Variants in MYO1E observed in about 807,000 individuals in gnomAD.
MYO1E encodes the protein unconventional myosin-Ie.
MYO1E carries 68 observed loss-of-function variants against 151.1 expected under a neutral mutation model. That is an observed-to-expected ratio of 0.45 (90% CI 0.37 to 0.55). MYO1E has a LOEUF of 0.55. Among genes scored for constraint, MYO1E ranks in the 20% least tolerant of loss-of-function variants. The pLI is 0.00. For synonymous variants in MYO1E, 601 were observed against 501.7 expected, an observed-to-expected ratio of 1.20 and a Z score of -2.64; for missense variants, 1,363 against 1,389.3, an observed-to-expected ratio of 0.98 and a Z score of 0.30.
chr15:59,327,052 GGGTGGGGTC>G (rs1844295782), intron 1 of MYO1E, among the ~76,000 whole-genome samples: 1 of 152,186 alleles, frequency 6.6e-6, no homozygotes, highest in Non-Finnish European at 1.5e-5. Flanking sequence ...GGGGCTTTTC[GGGTGGGGTC>G]GCAGTAGGGA....
chr15:59,218,659 A>C (rs1175118515), intron 9 of MYO1E, among the ~76,000 whole-genome samples: 1 of 152,248 alleles, frequency 6.6e-6, no homozygotes, highest in African/African-American at 2.4e-5. Flanking sequence ...AATCTAGATG[A>C]GGCAAAAATA....
intron 1 of MYO1E, among the ~76,000 whole-genome samples, chr15:59,353,730 T>C (rs1228214972): frequency 2.0e-4 from 30 of 147,756 alleles, no homozygotes; most frequent in Admixed American, 8.9e-4. Flanking sequence ...GCACCCCAGC[T>C]TGAGCAACAA....
intron 1 of MYO1E, among the ~76,000 whole-genome samples, chr15:59,300,718 G>A (rs1296721264): frequency 6.6e-6 from 1 of 152,072 alleles, no homozygotes; most frequent in Admixed American, 6.6e-5. Flanking sequence ...CTCTTTTGTT[G>A]GAGCTATGAT....
intron 1 of MYO1E, among the ~76,000 whole-genome samples, chr15:59,370,527 T>C (rs1349691298): frequency 2.0e-5 from 3 of 152,198 alleles, no homozygotes; most frequent in South Asian, 2.1e-4. Flanking sequence ...GATAGTCGCC[T>C]GGGGGCACAC....
rs530295155 is a variant in MYO1E at position 59,135,281 on chromosome 15, C to T, written c.*2099G>A. On this transcript the variant is annotated 3_prime_UTR_variant, in exon 28 of 28. Coordinates refer to ENST00000288235, the MANE Select transcript of MYO1E (RefSeq NM_004998.4). ...TAGAGCCCGATGGTTCCCAGTTACA[C>T]ACAAGTGTAAAATGCCAATCAATCA... 3 of 152,322 alleles carry T rather than the reference C, an allele frequency of 2.0e-5. No individual in the cohort carries two copies. Among genetic ancestry groups the T allele is most frequent in the African/African-American group, 4.8e-5 (2 of 41,568 alleles). 9.4% of individuals were successfully genotyped at this position (152,322 alleles called of 1,614,324 possible). A position where few individuals can be genotyped will look rare whatever the true frequency, so the allele number is the denominator to read the frequency against.
intron 16 of MYO1E, among the ~76,000 whole-genome samples, chr15:59,196,013 C>T (rs2079764310): frequency 6.6e-6 from 1 of 152,124 alleles, no homozygotes; most frequent in Admixed American, 6.5e-5. Flanking sequence ...CATCAAATCC[C>T]CTACACTCTC....
intron 10 of MYO1E, among the ~76,000 whole-genome samples, chr15:59,215,712 A>G (rs1477734969): frequency 6.6e-6 from 1 of 152,234 alleles, no homozygotes; most frequent in East Asian, 1.9e-4. Context: ...GTCAGTGCCC[A>G]GTAAATCCCA....
At chr15:59,281,269 TTCTTTTCTTTC>T (rs1451425860) in intron 1 of MYO1E, among the ~76,000 whole-genome samples, 200 of 151,886 alleles carry the variant, frequency 1.3e-3, no homozygotes, top group African/African-American at 4.6e-3. Context: ...TCTTTTCTTT[TTCTTTTCTTTC>T]TTTTTTTTTT....
At chr15:59,223,305 G>C in intron 8 of MYO1E, 114 bp from the exon 9 acceptor site, 3 of 1,132,682 alleles carry the variant, frequency 2.6e-6, no homozygotes, top group Non-Finnish European at 3.7e-6. Context: ...AAGTACAGAC[G>C]AGTTACAAAG....
rs529874432 is a variant in MYO1E at position 59,308,304 on chromosome 15, G to T, written c.4-35855C>A. Among the ~76,000 whole-genome samples, 13 of 151,708 alleles carry T rather than the reference G, an allele frequency of 8.6e-5. No individual in the cohort carries two copies. The South Asian group carries it at 2.7e-3, about 32-fold the overall frequency. The stretch of plus-strand genomic sequence containing the variant: ...TAATCCCAGCACTTTGGGAGGCTGA[G>T]GGGGGCAGATCGCCTGAGGTCAGGA... On this transcript the variant is annotated intron_variant, in intron 1 of 27. Transcript: ENST00000288235.
At chr15:59,334,675 T>C (rs2080717956) in intron 1 of MYO1E, among the ~76,000 whole-genome samples, 2 of 152,152 alleles carry the variant, frequency 1.3e-5, no homozygotes, top group Admixed American at 1.3e-4. Context: ...TCTCCAAAGC[T>C]TATTAAGTCT....
chr15:59,372,141 C>A (rs1390253168), intron 1 of MYO1E, among the ~76,000 whole-genome samples: 9 of 151,390 alleles, frequency 5.9e-5, no homozygotes, highest in African/African-American at 1.7e-4. Context: ...CCTCCCCTGC[C>A]GGCTGCGCCC....
chr15:59,297,461 T>TTTTTTTTTTTTA (rs1567007165), intron 1 of MYO1E, among the ~76,000 whole-genome samples: 1 of 146,280 alleles, frequency 6.8e-6, no homozygotes, highest in Admixed American at 6.9e-5. Flanking sequence ...TTTTTTTTTT[T>TTTTTTTTTTTTA]AGTAGGGATG....
At chr15:59,372,469 C>T (rs1248617623) in intron 1 of MYO1E, 29 bp downstream of exon 1, 3 of 1,537,736 alleles carry the variant, frequency 2.0e-6, no homozygotes, top group South Asian at 2.4e-5. Flanking sequence ...CCGGGTCCGG[C>T]GTCCTAGGAC....
intron 2 of MYO1E, among the ~76,000 whole-genome samples, chr15:59,269,605 C>T (rs1430392104): frequency 6.6e-6 from 1 of 152,160 alleles, no homozygotes; most frequent in African/African-American, 2.4e-5. Context: ...CGCCTGTAAT[C>T]CCAGCACTTT....
chr15:59,207,746 C>T, intron 14 of MYO1E: 1 of 1,614,072 alleles, frequency 6.2e-7, no homozygotes, highest in South Asian at 1.1e-5. Flanking sequence ...GATATAGGAA[C>T]TGATAAAGAT....
Position 59,151,064 on chromosome 15 carries a change from C to T in MYO1E, c.3080+2526G>A, listed in dbSNP as rs569742209. Among the ~76,000 whole-genome samples, 108 of 140,644 alleles carry T rather than the reference C, an allele frequency of 7.7e-4. 1 individual carries two copies. Among genetic ancestry groups the T allele is most frequent in the Middle Eastern group, 3.7e-3 (1 of 270 alleles). 92.3% of individuals were successfully genotyped at this position (140,644 alleles called of 152,430 possible). A position where few individuals can be genotyped will look rare whatever the true frequency, so the allele number is the denominator to read the frequency against. On this transcript the variant is annotated intron_variant, in intron 26 of 27. Transcript: ENST00000288235. ...ACACACACACACGCGCGCGCGCGCA[C>T]GTGCACTTAGAGAGAGGTCTACATA...
At chr15:59,237,470 T>G (rs927425658) in intron 4 of MYO1E, among the ~76,000 whole-genome samples, 1 of 152,226 alleles carries the variant, frequency 6.6e-6, no homozygotes, top group Admixed American at 6.5e-5. Flanking sequence ...TCCCCCTGAA[T>G]TGATAATGAC....
rs1254899889 is a variant in MYO1E, at chr15:59,350,261, G to T, written c.3+22237C>A. On this transcript the variant is annotated intron_variant, in intron 1 of 27. Coordinates refer to ENST00000288235, the MANE Select transcript of MYO1E (RefSeq NM_004998.4). This position sits in a 1 kb window ranked among gnomAD's most constrained non-coding sequence, Gnocchi z 5.0. ...CAGGCAGGCTCCTGCCTTTCCTCAG[G>T]GTGGAAGAGATCCACTGCTGCTGTC... Among the ~76,000 whole-genome samples the T allele has an allele frequency of 6.6e-6, 1 of 152,152 alleles. No individual in the cohort carries two copies. Among genetic ancestry groups the T allele is most frequent in the African/African-American group, 2.4e-5 (1 of 41,422 alleles).
Sources: gnomAD v4.1 joint callset for allele counts (sites outside exome capture counted in the v4.1 genomes callset) on GRCh38, gnomAD v4.1.1 for gene constraint, Gnocchi (gnomAD v3.1) non-coding constraint, MANE v1.5 for transcripts, NCBI Gene and HGNC (gene_info 2026-07-23, HGNC 2026-07-21) for gene names.